Variants in POM121C observed in about 807,000 individuals in gnomAD.
POM121C encodes nuclear envelope pore membrane protein POM 121C.
A neutral mutation model predicts 66.4 loss-of-function variants in POM121C; 20 were observed. That is an observed-to-expected ratio of 0.30 (90% CI 0.21 to 0.44). The LOEUF is 0.44. Ranked by LOEUF, POM121C falls within the 20% of genes least tolerant of loss-of-function variation. The pLI, the probability that POM121C is intolerant of heterozygous loss-of-function variation, is 1.00. For synonymous variants in POM121C, 286 were observed against 528.0 expected, an observed-to-expected ratio of 0.54 and a Z score of 6.28; for missense variants, 580 against 1,225.7, an observed-to-expected ratio of 0.47 and a Z score of 7.87.
In POM121C at chr7:75,440,822, GA is replaced by G; in HGVS notation, c.227+131del. On this transcript the variant is annotated intron_variant, in intron 5 of 14. Coordinates refer to ENST00000615331, the MANE Select transcript of POM121C (RefSeq NM_001099415.3). ...AACCCTTGTTATTAGGTTCTCTCAT[GA>G]AAGCCAAAGAAGGAGGCCTATGAAG... is the stretch of plus-strand genomic sequence containing the variant. 3 of 1,474,920 alleles carry G rather than the reference GA, an allele frequency of 2.0e-6. 1 individual carries two copies. The South Asian group carries it at 3.7e-5, about 18-fold the overall frequency. 91.4% of individuals were successfully genotyped at this position (1,474,920 alleles called of 1,614,324 possible).
chr7:75,479,892 AG>A (rs1792245852), intron 1 of POM121C, among the ~76,000 whole-genome samples: 1 of 152,210 alleles, frequency 6.6e-6, no homozygotes, highest in African/African-American at 2.4e-5. Context: ...ACCCAACAAA[AG>A]ACATAAAGTA....
rs376023917 is a variant in POM121C at position 75,451,801 on chromosome 7, T to C, written c.-151-10154A>G. On this transcript the variant is annotated intron_variant, in intron 3 of 14. Coordinates refer to ENST00000615331, the MANE Select transcript of POM121C (RefSeq NM_001099415.3). ...CAAAGGTCAGATCCAGAATCTTGTA[T>C]ATTCTTGTAGATCCAGAAACGACAA... 9.9e-5 allele frequency among the ~76,000 whole-genome samples: 15 copies of C among 152,032 alleles called. No individual in the cohort carries two copies. The East Asian group carries it at 2.3e-3, about 24-fold the overall frequency.
At chr7:75,443,965 G>T (rs1790750712) in intron 3 of POM121C, among the ~76,000 whole-genome samples, 2 of 75,446 alleles carry the variant, frequency 2.7e-5, no homozygotes, top group African/African-American at 3.9e-5. Flanking sequence ...AAAAAAAGTT[G>T]TGATAAAGGG....
At chr7:75,437,482 A>G (rs1554473156) in intron 7 of POM121C, 33 bp downstream of exon 7, 1 of 1,583,976 alleles carries the variant, frequency 6.3e-7, no homozygotes, top group Non-Finnish European at 8.6e-7. Flanking sequence ...CTGGGAATTC[A>G]TGCCCCCCAC....
rs1789858962 is a variant in POM121C at position 75,424,566 on chromosome 7, A to G, written c.831T>C (p.Ala277=). 2 of 1,614,006 alleles carry G rather than the reference A, an allele frequency of 1.2e-6. No homozygotes were observed. Among genetic ancestry groups the G allele is most frequent in the African/African-American group, 2.7e-5 (2 of 75,042 alleles). ...AGGCCTGGTTGAACCACTGTAATGAAGCCTTCTTCTCTAAGTCTAGGTCCT... is the reference window on the plus strand; with the variant it reads ...AGGCCTGGTTGAACCACTGTAATGAGGCCTTCTTCTCTAAGTCTAGGTCCT... ...TAEDLDLEKK[A]SLQWFNQALE... is the part of the protein sequence containing the mutation. Residue 277 remains alanine (A), a synonymous_variant, in exon 11 of 15, where the codon GCT becomes GCC. Coordinates refer to ENST00000615331, the MANE Select transcript of POM121C (RefSeq NM_001099415.3).
At position 75,474,892 on chromosome 7, in the gene POM121C, A is replaced by G; in HGVS notation, c.-330-10T>C. 1.8e-6 allele frequency: 2 copies of G among 1,087,394 alleles called. No homozygotes were observed. The highest frequency in any genetic ancestry group is 2.7e-6 in the Non-Finnish European group (2 of 728,910). The allele number at this position is 1,087,394 out of a possible 1,614,324, so 67.4% of individuals were successfully genotyped here. The stretch of plus-strand genomic sequence containing the variant: ...GTTGCCACCTCATAAGCTGCATAAC[A>G]GAAATGCTCCATTTTTTACCTTATC... On this transcript the variant is annotated splice_polypyrimidine_tract_variant and intron_variant, in intron 2 of 14. Transcript: ENST00000615331.
At chr7:75,431,560 G>A (rs1310743056) in intron 7 of POM121C, among the ~76,000 whole-genome samples, 1 of 132,926 alleles carries the variant, frequency 7.5e-6, no homozygotes, top group Non-Finnish European at 1.5e-5. Context: ...CCAAGATTGT[G>A]CCATTGCATT....
At chr7:75,442,778 GCGTCATCGCGCGCCCGCCA>G (rs1204293421) in intron 3 of POM121C, 4 of 1,279,908 alleles carry the variant, frequency 3.1e-6, no homozygotes, top group African/African-American at 3.4e-5. Context: ...GCCACGCGTC[GCGTCATCGCGCGCCCGCCA>G]CGTCATGCGC....
chr7:75,428,685 G>T (rs1790054490), intron 7 of POM121C, among the ~76,000 whole-genome samples: 1 of 152,158 alleles, frequency 6.6e-6, no homozygotes, highest in Admixed American at 6.5e-5. Flanking sequence ...GCAAGGGTCA[G>T]AAATGCCAAA....
At chr7:75,470,079 C>T (rs1158660418) in intron 3 of POM121C, among the ~76,000 whole-genome samples, 2 of 151,782 alleles carry the variant, frequency 1.3e-5, no homozygotes, top group Non-Finnish European at 1.5e-5. Context: ...CTATTTCTGG[C>T]TAATTTTTGT....
intron 1 of POM121C, among the ~76,000 whole-genome samples, chr7:75,483,208 T>C (rs1792376606): frequency 6.6e-6 from 1 of 152,190 alleles, no homozygotes; most frequent in Non-Finnish European, 1.5e-5. Context: ...GCACCAAGAA[T>C]AAGCCATAAG....
intron 7 of POM121C, among the ~76,000 whole-genome samples, chr7:75,433,532 A>C (rs1384938338): frequency 1.3e-5 from 2 of 151,780 alleles, no homozygotes; most frequent in South Asian, 4.2e-4. Context: ...ATTTTTAAAA[A>C]ATATTCCTAA....
intron 1 of POM121C, among the ~76,000 whole-genome samples, chr7:75,476,868 A>T (rs1243011633): frequency 1.3e-5 from 2 of 152,124 alleles, no homozygotes; most frequent in Non-Finnish European, 2.9e-5. Flanking sequence ...TATTAATATG[A>T]TAAGCCACTA....
chr7:75,439,086 C>A (rs2116401080), intron 6 of POM121C, 58 bp downstream of exon 6: 1 of 1,583,868 alleles, frequency 6.3e-7, no homozygotes, highest in East Asian at 2.2e-5. Flanking sequence ...AGGGCAACAG[C>A]TCTGATCAGG....
At chr7:75,460,894 TG>T (rs1791421034) in intron 3 of POM121C, among the ~76,000 whole-genome samples, 1 of 152,080 alleles carries the variant, frequency 6.6e-6, no homozygotes, top group African/African-American at 2.4e-5. Flanking sequence ...TCAGCAACAG[TG>T]GCTTCCCCAG....
At chr7:75,473,117 A>T (rs1791937604) in intron 3 of POM121C, among the ~76,000 whole-genome samples, 1 of 152,220 alleles carries the variant, frequency 6.6e-6, no homozygotes, top group Non-Finnish European at 1.5e-5. Flanking sequence ...ATGATTTTGG[A>T]ATCTGCACAG....
At position 75,423,391 on chromosome 7, in the gene POM121C, GATC is replaced by G. The variant is rs200161565; in HGVS notation, c.1049-191_1049-189del. On this transcript the variant is annotated intron_variant, in intron 12 of 14. Transcript: ENST00000615331. The stretch of plus-strand genomic sequence containing the variant: ...AAGTGTTCATTATTTCCACCTCACA[GATC>G]ATCAGACAGAAGGGGATAAAATGGG... 3.7e-3 allele frequency among the ~76,000 whole-genome samples: 563 copies of G among 151,206 alleles called. 3 individuals are homozygous for G. Among genetic ancestry groups the G allele is most frequent in the African/African-American group, 0.013 (534 of 41,064 alleles).
rs1415650157 is a variant in POM121C, at chr7:75,463,957, T to C, written c.-152+10747A>G. ...TCTGCCCACCTCGGCCTCCCAAAAG[T>C]GCTGGGATTACAGGCGTGAGGCACC... On this transcript the variant is annotated intron_variant, in intron 3 of 14. Coordinates refer to ENST00000615331, the MANE Select transcript of POM121C (RefSeq NM_001099415.3). 1.1e-4 allele frequency among the ~76,000 whole-genome samples: 17 copies of C among 150,284 alleles called. No individual in the cohort carries two copies. The East Asian group carries it at 3.3e-3, about 29-fold the overall frequency.
chr7:75,440,149 G>A (rs1174560501), intron 5 of POM121C, among the ~76,000 whole-genome samples: 19 of 151,924 alleles, frequency 1.3e-4, no homozygotes, highest in Non-Finnish European at 2.2e-4. Flanking sequence ...TCAAGGTGCT[G>A]GGATTATAGG....
Sources: gnomAD v4.1 joint callset for allele counts (sites outside exome capture counted in the v4.1 genomes callset) on GRCh38, gnomAD v4.1.1 for gene constraint, MANE v1.5 for transcripts, NCBI Gene and HGNC (gene_info 2026-07-23, HGNC 2026-07-21) for gene names.